Variants in THNSL2 observed in about 807,000 individuals in gnomAD.
The protein encoded by THNSL2 is threonine synthase-like 2.
A neutral mutation model predicts 40.0 loss-of-function variants in THNSL2; 34 were observed. The observed-to-expected ratio is 0.85, with a 90% CI of 0.65 to 1.13. The LOEUF is 1.13. Among genes scored for constraint, THNSL2 ranks in the 50% most tolerant of loss-of-function variants. THNSL2 has a pLI of 0.00. For missense variants in THNSL2, 537 were observed against 608.8 expected, an observed-to-expected ratio of 0.88 and a Z score of 1.24; for synonymous variants, 241 against 247.5, an observed-to-expected ratio of 0.97 and a Z score of 0.25.
rs372218580 is a variant in THNSL2, at chr2:88,182,686, C to G, written c.803-13C>G. 1 of 1,563,238 alleles carries G rather than the reference C, an allele frequency of 6.4e-7. No homozygotes were observed. Among genetic ancestry groups the G allele is most frequent in the African/African-American group, 1.4e-5 (1 of 73,930 alleles). On this transcript the variant is annotated splice_polypyrimidine_tract_variant and intron_variant, in intron 5 of 8. Coordinates refer to ENST00000674334, the MANE Select transcript of THNSL2 (RefSeq NM_018271.5). ...TCTAAAAAGCCATTGTTCTCCTCCT[C>G]TCTTGTCTTAAGCTGGGTACATTGC...
At chr2:88,175,527 C>T (rs1249909964) in intron 4 of THNSL2, 126 bp downstream of exon 4, 3 of 1,301,458 alleles carry the variant, frequency 2.3e-6, no homozygotes, top group East Asian at 2.4e-5. Flanking sequence ...TCATCATATT[C>T]GAGGTTGGTG....
Position 88,179,324 on chromosome 2 carries a change from G to A in THNSL2, c.802+311G>A, listed in dbSNP as rs561249227. 1.2e-4 allele frequency among the ~76,000 whole-genome samples: 19 copies of A among 152,334 alleles called. 1 individual carries two copies. In the South Asian group the frequency reaches 3.5e-3, roughly 28 times the overall value. ...CAAGGGTCAGCCGCTATGGCTGGCT[G>A]GCAGTGCCCTCAATCAGAAATGTGG... On this transcript the variant is annotated intron_variant, in intron 5 of 8. Coordinates refer to ENST00000674334, the MANE Select transcript of THNSL2 (RefSeq NM_018271.5).
intron 4 of THNSL2, 113 bp from the exon 5 acceptor site, chr2:88,178,670 G>A (rs1016106608): frequency 4.2e-5 from 45 of 1,079,388 alleles, no homozygotes; most frequent in South Asian, 1.8e-4. Context: ...TAGGCTGCGC[G>A]AAGGTCCCAG....
rs760034294 is a variant in THNSL2 at position 88,174,884 on chromosome 2, G to T, written c.418+51G>T. 42 of 1,588,804 alleles carry T rather than the reference G, an allele frequency of 2.6e-5. 1 individual carries two copies. The African/African-American group carries it at 2.8e-4, about 11-fold the overall frequency. On this transcript the variant is annotated intron_variant, in intron 3 of 8. Coordinates refer to ENST00000674334, the MANE Select transcript of THNSL2 (RefSeq NM_018271.5). ...AATACCTGAGTGCTGTGACTGTAGG[G>T]TGTCCACCTATAGGATGCTGTTCAT...
At position 88,182,839 on chromosome 2, in the gene THNSL2, G is replaced by A. The variant is rs761782074; in HGVS notation, c.943G>A (p.Asp315Asn). 1.9e-6 allele frequency: 3 copies of A among 1,614,016 alleles called. No individual in the cohort carries two copies. Among genetic ancestry groups the A allele is most frequent in the South Asian group, 1.1e-5 (1 of 91,076 alleles). Residue 315 changes from aspartate (D) to asparagine (N), a missense_variant, in exon 6 of 9, where the codon GAC (aspartate) becomes AAC (asparagine). Coordinates refer to ENST00000674334, the MANE Select transcript of THNSL2 (RefSeq NM_018271.5). ...AVKSTLASAM[D>N]IQVPYNMERV... ...TAAATCAACCTTGGCATCAGCTATGGACATTCAGGTAGGCCTGGGGGAGGT... is the reference window on the plus strand; with the variant it reads ...TAAATCAACCTTGGCATCAGCTATGAACATTCAGGTAGGCCTGGGGGAGGT...
At chr2:88,182,545 G>A (rs945558598) in intron 5 of THNSL2, 154 bp from the exon 6 acceptor site, 6 of 749,812 alleles carry the variant, frequency 8.0e-6, no homozygotes, top group Admixed American at 3.4e-5. Flanking sequence ...CCCATTCTGC[G>A]AGTTGCCTTT....
Position 88,182,698 on chromosome 2 carries a change from G to A in THNSL2, c.803-1G>A. The A allele has an allele frequency of 6.2e-7, 1 of 1,601,522 alleles. No individual in the cohort carries two copies. Among genetic ancestry groups the A allele is most frequent in the Non-Finnish European group, 8.5e-7 (1 of 1,170,450 alleles). Reference sequence around the variant, plus strand: ...TTGTTCTCCTCCTCTCTTGTCTTAAGCTGGGTACATTGCTCAAAAGATAGG... The same window carrying A: ...TTGTTCTCCTCCTCTCTTGTCTTAAACTGGGTACATTGCTCAAAAGATAGG... On this transcript the variant is annotated splice_acceptor_variant, in intron 5 of 8. Coordinates refer to ENST00000674334, the MANE Select transcript of THNSL2 (RefSeq NM_018271.5). LOFTEE classifies it high-confidence loss of function.
intron 3 of THNSL2, 66 bp downstream of exon 3, chr2:88,174,899 A>T: frequency 1.3e-6 from 2 of 1,551,142 alleles, no homozygotes; most frequent in Non-Finnish European, 1.8e-6. Flanking sequence ...CACCTATAGG[A>T]TGCTGTTCAT....
chr2:88,185,176 G>C, intron 7 of THNSL2, 152 bp from the exon 8 acceptor site: 1 of 1,121,646 alleles, frequency 8.9e-7, no homozygotes, highest in East Asian at 2.6e-5. Flanking sequence ...TAGGAGGCCA[G>C]ATTTTTACTG....
intron 7 of THNSL2, 176 bp downstream of exon 7, chr2:88,183,249 G>C: frequency 1.2e-6 from 1 of 863,760 alleles, no homozygotes; most frequent in Non-Finnish European, 1.7e-6. Flanking sequence ...AGAGGTAATA[G>C]AGAACATGGT....
intron 7 of THNSL2, among the ~76,000 whole-genome samples, chr2:88,184,383 C>A (rs1444748521): frequency 2.0e-5 from 3 of 152,220 alleles, no homozygotes; most frequent in Admixed American, 6.5e-5. Flanking sequence ...GAGCGAGGAA[C>A]TGTGCTAGGT....
chr2:88,180,714 C>T (rs575142697), intron 5 of THNSL2, among the ~76,000 whole-genome samples: 10 of 152,178 alleles, frequency 6.6e-5, no homozygotes, highest in Non-Finnish European at 1.0e-4. Context: ...GTCACGTGTC[C>T]GGGCTGTACA....
intron 7 of THNSL2, 136 bp downstream of exon 7, chr2:88,183,209 A>T: frequency 1.7e-6 from 2 of 1,170,382 alleles, no homozygotes; most frequent in Non-Finnish European, 2.3e-6. Flanking sequence ...TTTTACGGCC[A>T]CTTTACATGG....
At chr2:88,178,242 C>T (rs1177746141) in intron 4 of THNSL2, among the ~76,000 whole-genome samples, 1 of 152,190 alleles carries the variant, frequency 6.6e-6, no homozygotes, top group Non-Finnish European at 1.5e-5. Context: ...TCCATGGAAG[C>T]TTACCTGCCA....
At chr2:88,182,214 T>G (rs1677769453) in intron 5 of THNSL2, among the ~76,000 whole-genome samples, 1 of 152,236 alleles carries the variant, frequency 6.6e-6, no homozygotes, top group African/African-American at 2.4e-5. Context: ...GGCTGCACCA[T>G]TTTGTCACCA....
chr2:88,179,024 C>G lies in THNSL2; in HGVS notation c.802+11C>G, dbSNP rs1274130350. 1.2e-6 allele frequency: 2 copies of G among 1,613,766 alleles called. No homozygotes were observed. Among genetic ancestry groups the G allele is most frequent in the South Asian group, 2.2e-5 (2 of 91,076 alleles). ...CCGGTAACCTTGCAGGTAAGGAATC[C>G]CCGGGGCACAAATGGGCTTTCCAGA... On this transcript the variant is annotated intron_variant, in intron 5 of 8. Transcript: ENST00000674334.
chr2:88,185,792 C>A, intron 8 of THNSL2, 106 bp from the exon 9 acceptor site: 1 of 1,538,392 alleles, frequency 6.5e-7, no homozygotes, highest in East Asian at 2.5e-5. Flanking sequence ...TCCATACCCC[C>A]CCATCCCTAA....
At chr2:88,183,996 A>T (rs76326031) in intron 7 of THNSL2, among the ~76,000 whole-genome samples, 1 of 152,204 alleles carries the variant, frequency 6.6e-6, no homozygotes, top group African/African-American at 2.4e-5. Flanking sequence ...CAGTATTTAG[A>T]GAATCCTCAT....
chr2:88,177,936 GAGTC>G (rs1677114493), intron 4 of THNSL2, among the ~76,000 whole-genome samples: 1 of 152,200 alleles, frequency 6.6e-6, no homozygotes. Flanking sequence ...CATGGATCTA[GAGTC>G]AGTCCCCCAG....
Sources: allele counts gnomAD v4.1 joint callset (sites outside exome capture counted in the v4.1 genomes callset), GRCh38; gene constraint gnomAD v4.1.1; transcripts MANE v1.5; gene names NCBI Gene and HGNC (gene_info 2026-07-23, HGNC 2026-07-21).